The following EXOC1 variants were observed in gnomAD, a reference collection of about 807,000 sequenced individuals.
The protein encoded by EXOC1 is SEC3-like 1.
A neutral mutation model predicts 107.7 loss-of-function variants in EXOC1; 67 were observed. The observed-to-expected ratio is 0.62, with a 90% CI of 0.51 to 0.76. The LOEUF is 0.76. Ranked by LOEUF, EXOC1 falls within the 30% of genes least tolerant of loss-of-function variation. EXOC1 has a pLI of 0.00. For synonymous variants in EXOC1, 348 were observed against 353.5 expected (o/e 0.98, Z 0.17); for missense variants, 833 against 1,055.7 (o/e 0.79, Z 2.92).
rs770721968 is a variant in EXOC1, at chr4:55,891,350, A to G, written c.1575A>G (p.Leu525=). 4 of 1,613,974 alleles carry G rather than the reference A, an allele frequency of 2.5e-6. No individual in the cohort carries two copies. The highest frequency in any genetic ancestry group is 2.2e-5 in the East Asian group (1 of 44,816). ...AGGTACTAAGTGAACTGGAGCCCCT[A>G]TGTCTGGCAGAACAGGACTTCATAA... ...FEQVLSELEP[L]CLAEQDFISK... The change falls in exon 13 of 19, where the codon CTA becomes CTG. Residue 525 remains leucine (L), a synonymous_variant. Coordinates refer to ENST00000381295, the MANE Select transcript of EXOC1 (RefSeq NM_001024924.2).
At chr4:55,897,004 A>T (rs10014018) in intron 16 of EXOC1, 104 bp downstream of exon 16, 1 of 915,378 alleles carries the variant, frequency 1.1e-6, no homozygotes. Context: ...ATATCTTATA[A>T]TCTTTTTTAG....
At chr4:55,863,056 A>G (rs1034861215) in intron 3 of EXOC1, among the ~76,000 whole-genome samples, 18 of 151,962 alleles carry the variant, frequency 1.2e-4, no homozygotes, top group African/African-American at 4.1e-4. Context: ...ACATGCCACT[A>G]CACCCGGCTA....
chr4:55,870,155 T>A (rs79103837), intron 5 of EXOC1, among the ~76,000 whole-genome samples: 1,733 of 152,328 alleles, frequency 0.011, 43 homozygotes, highest in African/African-American at 0.039. Context: ...CCCATCATAC[T>A]ACAGTTATAA....
chr4:55,891,799 G>A (rs1724580001), intron 13 of EXOC1, among the ~76,000 whole-genome samples: 1 of 152,056 alleles, frequency 6.6e-6, no homozygotes, highest in African/African-American at 2.4e-5. Flanking sequence ...ATACACTTTG[G>A]TATACCAAAT....
intron 8 of EXOC1, among the ~76,000 whole-genome samples, chr4:55,874,060 G>A (rs747237404): frequency 6.6e-6 from 1 of 152,168 alleles, no homozygotes; most frequent in Non-Finnish European, 1.5e-5. Flanking sequence ...ACTGTGGACT[G>A]TAAGTGCTAA....
At chr4:55,873,445 TA>T (rs1722623134) in intron 8 of EXOC1, among the ~76,000 whole-genome samples, 1 of 152,158 alleles carries the variant, frequency 6.6e-6, no homozygotes, top group Non-Finnish European at 1.5e-5. Context: ...CCTTAGTTTT[TA>T]AAAATGACAC....
At chr4:55,854,981 G>A (rs1720827457) in intron 1 of EXOC1, among the ~76,000 whole-genome samples, 1 of 152,156 alleles carries the variant, frequency 6.6e-6, no homozygotes, top group Admixed American at 6.5e-5. Flanking sequence ...GATCACTTTG[G>A]ATTAAGATCT....
chr4:55,892,753 A>C, intron 14 of EXOC1, 42 bp downstream of exon 14: 2 of 1,602,124 alleles, frequency 1.2e-6, no homozygotes, highest in Non-Finnish European at 1.7e-6. Context: ...GGAAAAAATA[A>C]ACTTTAAAAT....
Position 55,904,843 on chromosome 4 carries a change from T to C in EXOC1, c.*348T>C, listed in dbSNP as rs1371237816. On this transcript the variant is annotated 3_prime_UTR_variant, in exon 19 of 19. Transcript: ENST00000381295. ...GCATTTGGAGTTCTTCAGCTTTCAC[T>C]ACTTCTCTGTTGCTTGCTAATCATG... 3.5e-5 allele frequency: 6 copies of C among 173,042 alleles called. No individual in the cohort carries two copies. The highest frequency in any genetic ancestry group is 7.3e-5 in the Non-Finnish European group (6 of 82,472). The allele number at this position is 173,042 out of a possible 1,614,324, so 10.7% of individuals were successfully genotyped here.
chr4:55,876,403 T>TTGC, intron 8 of EXOC1: 1 of 736,354 alleles, frequency 1.4e-6, no homozygotes, highest in Non-Finnish European at 1.7e-6. Context: ...ATATACTGTA[T>TTGC]ATTATATAAT....
chr4:55,896,932 A>G (rs983898258), intron 16 of EXOC1, 32 bp downstream of exon 16: 6 of 1,528,876 alleles, frequency 3.9e-6, no homozygotes, highest in Non-Finnish European at 5.2e-6. Context: ...AAGAATTGTT[A>G]TAGCTATTGT....
intron 16 of EXOC1, among the ~76,000 whole-genome samples, chr4:55,899,382 A>G (rs1725620734): frequency 6.6e-6 from 1 of 152,134 alleles, no homozygotes; most frequent in African/African-American, 2.4e-5. Flanking sequence ...CTTAAATTTC[A>G]TATATTAAAA....
intron 8 of EXOC1, among the ~76,000 whole-genome samples, chr4:55,872,509 T>C (rs1722539167): frequency 6.6e-6 from 1 of 152,050 alleles, no homozygotes; most frequent in African/African-American, 2.4e-5. Flanking sequence ...TTATTAATAA[T>C]ATTAAGAGTA....
At chr4:55,893,278 T>C (rs1233852173) in intron 14 of EXOC1, among the ~76,000 whole-genome samples, 8 of 151,942 alleles carry the variant, frequency 5.3e-5, no homozygotes, top group African/African-American at 1.9e-4. Flanking sequence ...CACCACCACG[T>C]CTGGCTAATT....
At chr4:55,858,259 A>T in intron 1 of EXOC1, 55 bp from the exon 2 acceptor site, 1 of 1,493,628 alleles carries the variant, frequency 6.7e-7, no homozygotes, top group Non-Finnish European at 8.9e-7. Context: ...ATTCAGAAGT[A>T]TAAGATGGAA....
intron 1 of EXOC1, among the ~76,000 whole-genome samples, chr4:55,857,168 C>CTTTTTTTTTTTTTTTTTTTTTTT (rs71192052): frequency 4.6e-5 from 3 of 65,764 alleles, no homozygotes; most frequent in African/African-American, 1.3e-4. Context: ...TCCTTTTTTT[C>CTTTTTTTTTTTTTTTTTTTTTTT]TTTTTTTTTT....
In EXOC1 at chr4:55,890,420, A is replaced by G. The variant is rs1454023674; in HGVS notation, c.1539+34A>G. On this transcript the variant is annotated intron_variant, in intron 12 of 18. Transcript: ENST00000381295. The stretch of plus-strand genomic sequence containing the variant: ...AAATAACAAGTACTTCTTAAACATT[A>G]ACATTAGTTTTCTAACAGCAGTTTG... 7 of 1,599,832 alleles carry G rather than the reference A, an allele frequency of 4.4e-6. No homozygotes were observed. The African/African-American group carries it at 9.4e-5, about 21-fold the overall frequency.
intron 3 of EXOC1, among the ~76,000 whole-genome samples, chr4:55,863,201 G>GT (rs1361082309): frequency 1.3e-5 from 2 of 151,976 alleles, no homozygotes; most frequent in African/African-American, 2.4e-5. Context: ...AGCCCAGCCT[G>GT]TTTTTTTATA....
chr4:55,865,751 G>T (rs1451434150), intron 4 of EXOC1, among the ~76,000 whole-genome samples: 1 of 151,704 alleles, frequency 6.6e-6, no homozygotes, highest in Non-Finnish European at 1.5e-5. Context: ...ACCCTACCTG[G>T]ATCTGCCTCA....
Sources: allele counts gnomAD v4.1 joint callset (sites outside exome capture counted in the v4.1 genomes callset), GRCh38; gene constraint gnomAD v4.1.1; transcripts MANE v1.5; gene names NCBI Gene and HGNC (gene_info 2026-07-23, HGNC 2026-07-21).